Variants in MYO1E observed in about 807,000 individuals in gnomAD.
MYO1E encodes the protein unconventional myosin-Ie.
MYO1E carries 68 observed loss-of-function variants against 151.1 expected under a neutral mutation model. The ratio of observed to expected loss-of-function variants is 0.45; its 90% confidence interval spans 0.37 to 0.55. The LOEUF is 0.55. MYO1E is among the 20% of genes least tolerant of loss of function. The pLI is 0.00. For missense variants in MYO1E, 1,363 were observed against 1,389.3 expected, an observed-to-expected ratio of 0.98 and a Z score of 0.30; for synonymous variants, 601 against 501.7, an observed-to-expected ratio of 1.20 and a Z score of -2.64.
rs566206237 is a variant in MYO1E at position 59,163,231 on chromosome 15, A to G, written c.2553T>C (p.Thr851=). The G allele has an allele frequency of 1.2e-6, 2 of 1,614,108 alleles. No homozygotes were observed. The highest frequency in any genetic ancestry group is 1.7e-5 in the Admixed American group (1 of 60,022). The part of the protein sequence containing the change: ...YDSLLESVFK[T]EFLSLLAKRY... ...GCTTTGCTAAGAGGCTTAGGAATTC[A>G]GTTTTGAAGACAGATTCAAGCAAAC... The change falls in exon 23 of 28, where the codon ACT becomes ACC. Residue 851 remains threonine, a synonymous_variant. Coordinates refer to ENST00000288235, the MANE Select transcript of MYO1E (RefSeq NM_004998.4).
At chr15:59,334,477 T>TAA (rs11287543) in intron 1 of MYO1E, among the ~76,000 whole-genome samples, 2 of 145,914 alleles carry the variant, frequency 1.4e-5, no homozygotes, top group East Asian at 4.0e-4. Flanking sequence ...TTGTTTTTCT[T>TAA]AAAAAAAAAA....
intron 12 of MYO1E, among the ~76,000 whole-genome samples, chr15:59,213,208 T>C (rs1298246341): frequency 6.6e-6 from 1 of 151,282 alleles, no homozygotes; most frequent in Non-Finnish European, 1.5e-5. Context: ...TCTCGCTCTG[T>C]CGCCAAGGCT....
At chr15:59,151,755 G>A (rs12443442) in intron 26 of MYO1E, among the ~76,000 whole-genome samples, 3,510 of 151,634 alleles carry the variant, frequency 0.023, 87 homozygotes, top group African/African-American at 0.049. Flanking sequence ...TCTACTAAAA[G>A]TAAAAAAATT....
intron 5 of MYO1E, among the ~76,000 whole-genome samples, chr15:59,235,576 C>CTA (rs1339701758): frequency 1.3e-5 from 2 of 152,188 alleles, no homozygotes; most frequent in Non-Finnish European, 2.9e-5. Context: ...CACCAGTTGC[C>CTA]TAGTGATGAA....
chr15:59,232,554 AATAG>A (rs2080034955), intron 5 of MYO1E, among the ~76,000 whole-genome samples: 1 of 152,246 alleles, frequency 6.6e-6, no homozygotes, highest in African/African-American at 2.4e-5. Context: ...GAGACAGCTC[AATAG>A]ATAGAATTTG....
intron 18 of MYO1E, among the ~76,000 whole-genome samples, chr15:59,179,768 A>G (rs1223800332): frequency 6.6e-6 from 1 of 152,270 alleles, no homozygotes; most frequent in Non-Finnish European, 1.5e-5. Context: ...TCTACTATAC[A>G]TGCCTATGTT....
intron 1 of MYO1E, among the ~76,000 whole-genome samples, chr15:59,311,777 G>A (rs1457975032): frequency 6.6e-6 from 1 of 152,176 alleles, no homozygotes; most frequent in African/African-American, 2.4e-5. Context: ...TAGGTCATGA[G>A]GACTCTGCCC....
intron 24 of MYO1E, among the ~76,000 whole-genome samples, chr15:59,160,628 A>G (rs1044840304): frequency 3.3e-5 from 5 of 151,894 alleles, no homozygotes; most frequent in African/African-American, 1.2e-4. Flanking sequence ...CATGTTACTC[A>G]GGCTGGTCTG....
At chr15:59,235,711 G>A (rs548377570) in intron 5 of MYO1E, among the ~76,000 whole-genome samples, 95 of 152,222 alleles carry the variant, frequency 6.2e-4, no homozygotes, top group African/African-American at 2.0e-3. Flanking sequence ...CTGCTGAGTC[G>A]AATGGCATAC....
chr15:59,153,811 A>C lies in MYO1E; in HGVS notation c.2879-20T>G. ...GGTATCCTAGAGAGAGGAACAGAGAAGGAAATAAGGCTCAGATTTTTGGAT... is the reference window on the plus strand; with the variant it reads ...GGTATCCTAGAGAGAGGAACAGAGACGGAAATAAGGCTCAGATTTTTGGAT... On this transcript the variant is annotated intron_variant, in intron 25 of 27. Coordinates refer to ENST00000288235, the MANE Select transcript of MYO1E (RefSeq NM_004998.4). 3 of 1,604,076 alleles carry C rather than the reference A, an allele frequency of 1.9e-6. No individual in the cohort carries two copies. Among genetic ancestry groups the C allele is most frequent in the Non-Finnish European group, 2.6e-6 (3 of 1,170,834 alleles).
At position 59,272,437 on chromosome 15, in the gene MYO1E, C is replaced by T. The variant is rs763488408; in HGVS notation, c.16G>A (p.Val6Ile). 1.2e-6 allele frequency: 2 copies of T among 1,614,180 alleles called. No homozygotes were observed. Among genetic ancestry groups the T allele is most frequent in the Non-Finnish European group, 1.7e-6 (2 of 1,179,996 alleles). The change falls in exon 2 of 28, where the codon GTC becomes ATC. Residue 6 changes from valine (V) to isoleucine (I), a missense_variant. By Grantham distance (29) the Val-to-Ile change is conservative (BLOSUM62 3). Transcript: ENST00000288235. ...TGGCTTTGCCAGTGGTACTGGTAGA[C>T]ACCTTTGCTTCCCTGGGAACATAAA... MGSKG[V>I]YQYHWQSHNV...
At chr15:59,220,690 T>C (rs1343462220) in intron 9 of MYO1E, among the ~76,000 whole-genome samples, 3 of 152,004 alleles carry the variant, frequency 2.0e-5, no homozygotes, top group Non-Finnish European at 2.9e-5. Flanking sequence ...AGGCTATTCC[T>C]TTCAGTAGTG....
intron 15 of MYO1E, among the ~76,000 whole-genome samples, chr15:59,202,756 T>G (rs780796836): frequency 9.9e-5 from 15 of 152,160 alleles, no homozygotes; most frequent in Non-Finnish European, 2.1e-4. Context: ...TTTGTTTTGT[T>G]TTTGAGACAG....
At chr15:59,300,904 G>C (rs1305026927) in intron 1 of MYO1E, among the ~76,000 whole-genome samples, 1 of 108,242 alleles carries the variant, frequency 9.2e-6, no homozygotes, top group Non-Finnish European at 1.8e-5. Flanking sequence ...GTATTGCTCT[G>C]TTGCCCAGGC....
At chr15:59,289,672 T>G (rs1380282013) in intron 1 of MYO1E, among the ~76,000 whole-genome samples, 1 of 152,190 alleles carries the variant, frequency 6.6e-6, no homozygotes, top group Non-Finnish European at 1.5e-5. Context: ...TGAGGGGCAA[T>G]GCCAGCAGAA....
chr15:59,294,727 C>T (rs938839573), intron 1 of MYO1E, among the ~76,000 whole-genome samples: 1 of 152,146 alleles, frequency 6.6e-6, no homozygotes, highest in Non-Finnish European at 1.5e-5. Context: ...CCCTACCAGT[C>T]AGTGAGGTTC....
chr15:59,347,406 A>T (rs1460015128), intron 1 of MYO1E, among the ~76,000 whole-genome samples: 1 of 152,146 alleles, frequency 6.6e-6, no homozygotes, highest in Non-Finnish European at 1.5e-5. Flanking sequence ...AAGGTTGGGG[A>T]CTGCTGCTCT....
At chr15:59,359,206 G>A (rs1447075981) in intron 1 of MYO1E, among the ~76,000 whole-genome samples, 4 of 151,168 alleles carry the variant, frequency 2.6e-5, no homozygotes, top group Non-Finnish European at 4.4e-5. Flanking sequence ...CAGGAGAATC[G>A]CTGGAGACCA....
Position 59,195,513 on chromosome 15 carries a change from G to T in MYO1E, c.1753C>A (p.Arg585Ser). The change falls in exon 17 of 28, where the codon CGC (arginine) becomes AGC (serine). Residue 585 changes from arginine to serine, a missense_variant. Physicochemically the swap from Arg to Ser is moderately radical, Grantham distance 110. Coordinates refer to ENST00000288235, the MANE Select transcript of MYO1E (RefSeq NM_004998.4). ...TLMKCTPHYI[R>S]CIKPNETKKP... Reference sequence around the variant, plus strand: ...TTGGTTTCGTTTGGCTTGATGCAGCGAATGTAGTGGGGCGTACATTTCATC... The same window carrying T: ...TTGGTTTCGTTTGGCTTGATGCAGCTAATGTAGTGGGGCGTACATTTCATC... 1 of 1,614,142 alleles carries T rather than the reference G, an allele frequency of 6.2e-7. No individual in the cohort carries two copies. The highest frequency in any genetic ancestry group is 8.5e-7 in the Non-Finnish European group (1 of 1,180,002).
Sources: allele counts gnomAD v4.1 joint callset (sites outside exome capture counted in the v4.1 genomes callset), GRCh38; gene constraint gnomAD v4.1.1; transcripts MANE v1.5; gene names NCBI Gene and HGNC (gene_info 2026-07-23, HGNC 2026-07-21).